TMCC1: variants seen among roughly 807,000 people sequenced by gnomAD.
The protein encoded by TMCC1 is transmembrane and coiled-coil domain family 1.
A neutral mutation model predicts 52.4 loss-of-function variants in TMCC1; 15 were observed. The ratio of observed to expected loss-of-function variants is 0.29; its 90% CI spans 0.19 to 0.44. TMCC1 has a LOEUF of 0.44. TMCC1 is among the 20% of genes least tolerant of loss of function. The pLI is 1.00. For synonymous variants in TMCC1, 279 were observed against 301.9 expected (o/e 0.92, Z 0.79); for missense variants, 503 against 806.0 (o/e 0.62, Z 4.55).
At chr3:129,712,588 CAGG>C (rs950949069) in intron 4 of TMCC1, among the ~76,000 whole-genome samples, 17 of 152,066 alleles carry the variant, frequency 1.1e-4, no homozygotes, top group African/African-American at 4.1e-4. Flanking sequence ...GCTGGAACTA[CAGG>C]CACATACTAC....
chr3:129,683,901 G>A (rs779271654), intron 4 of TMCC1, among the ~76,000 whole-genome samples: 3 of 152,064 alleles, frequency 2.0e-5, no homozygotes, highest in South Asian at 2.1e-4. Context: ...TAAAATCTTC[G>A]GCAAGGGATA....
At chr3:129,755,009 C>T (rs931016977) in intron 4 of TMCC1, among the ~76,000 whole-genome samples, 1 of 151,880 alleles carries the variant, frequency 6.6e-6, no homozygotes, top group African/African-American at 2.4e-5. Context: ...ACCCGGGAGG[C>T]GGAGGTTGCA....
chr3:129,808,231 C>T (rs1220287555), intron 4 of TMCC1, among the ~76,000 whole-genome samples: 2 of 151,896 alleles, frequency 1.3e-5, no homozygotes, highest in African/African-American at 4.8e-5. Context: ...GCCTGTAATC[C>T]CAGCACTTTG....
intron 4 of TMCC1, among the ~76,000 whole-genome samples, chr3:129,700,174 C>T (rs1451140699): frequency 6.6e-6 from 1 of 151,772 alleles, no homozygotes; most frequent in African/African-American, 2.4e-5. Flanking sequence ...TCAGGAGTTC[C>T]AGACTAGCTT....
At chr3:129,871,789 A>AG (rs1369060322) in intron 2 of TMCC1, among the ~76,000 whole-genome samples, 2 of 152,264 alleles carry the variant, frequency 1.3e-5, no homozygotes. Context: ...CAATGAAAAA[A>AG]GAATCAAAGT....
intron 2 of TMCC1, among the ~76,000 whole-genome samples, chr3:129,872,832 G>A (rs2060993608): frequency 6.6e-6 from 1 of 151,892 alleles, no homozygotes; most frequent in Non-Finnish European, 1.5e-5. Flanking sequence ...GTCACTATTA[G>A]ATTTCCTGGG....
At chr3:129,667,430 G>C (rs992462056) in intron 5 of TMCC1, among the ~76,000 whole-genome samples, 18 of 151,538 alleles carry the variant, frequency 1.2e-4, no homozygotes, top group African/African-American at 4.1e-4. Flanking sequence ...CCTTTTTTGG[G>C]GAAAAAAAGG....
chr3:129,734,385 T>C (rs2050775733), intron 4 of TMCC1, among the ~76,000 whole-genome samples: 1 of 152,182 alleles, frequency 6.6e-6, no homozygotes, highest in Admixed American at 6.5e-5. Context: ...AACAAAACTA[T>C]ATGTTTTTTT....
At chr3:129,764,626 T>C (rs1413019572) in intron 4 of TMCC1, among the ~76,000 whole-genome samples, 1 of 151,758 alleles carries the variant, frequency 6.6e-6, no homozygotes, top group African/African-American at 2.4e-5. Flanking sequence ...CATCAACACC[T>C]GGGCAAAGAA....
At position 129,865,152 on chromosome 3, in the gene TMCC1, C is replaced by G. The variant is rs377719950; in HGVS notation, c.-184+15157G>C. On this transcript the variant is annotated intron_variant, in intron 2 of 6. Coordinates refer to ENST00000393238, the MANE Select transcript of TMCC1 (RefSeq NM_001017395.5). The stretch of plus-strand genomic sequence containing the variant: ...AAGTCAGACTAGCCTCTTACACTCC[C>G]AAACAGTAAGATTTGCTCCAGAAAG... Among the ~76,000 whole-genome samples the G allele has an allele frequency of 4.6e-5, 7 of 152,186 alleles. No homozygotes were observed. The East Asian group carries it at 1.4e-3, about 29-fold the overall frequency.
In TMCC1 at chr3:129,811,816, C is replaced by T. The variant is rs538410715; in HGVS notation, c.576+15987G>A. Among the ~76,000 whole-genome samples, 9 of 150,412 alleles carry T rather than the reference C, an allele frequency of 6.0e-5. No individual in the cohort carries two copies. The South Asian group carries it at 6.3e-4, about 11-fold the overall frequency. On this transcript the variant is annotated intron_variant, in intron 4 of 6. Coordinates refer to ENST00000393238, the MANE Select transcript of TMCC1 (RefSeq NM_001017395.5). ...AAACTTAGCTGGGCGTGGTGGCATG[C>T]GCCTGTAATCCCAGCTACTCAGGAG...
chr3:129,791,088 ATTTTTTTTT>A (rs34048545), intron 4 of TMCC1, among the ~76,000 whole-genome samples: 13 of 82,968 alleles, frequency 1.6e-4, no homozygotes, highest in Non-Finnish European at 2.9e-4. Flanking sequence ...ACACTCCATA[ATTTTTTTTT>A]TTTTTTTTTT....
chr3:129,692,112 T>A (rs1227217593), intron 4 of TMCC1, among the ~76,000 whole-genome samples: 2 of 152,238 alleles, frequency 1.3e-5, no homozygotes, highest in Non-Finnish European at 2.9e-5. Flanking sequence ...ACTATAATAC[T>A]ATATACAGTT....
chr3:129,711,403 T>C (rs2048671804), intron 4 of TMCC1, among the ~76,000 whole-genome samples: 1 of 152,198 alleles, frequency 6.6e-6, no homozygotes, highest in Non-Finnish European at 1.5e-5. Context: ...TATTACAACT[T>C]ACTAATTAGT....
chr3:129,769,235 TTTTG>T (rs1215355826), intron 4 of TMCC1, among the ~76,000 whole-genome samples: 7 of 152,302 alleles, frequency 4.6e-5, no homozygotes, highest in African/African-American at 9.6e-5. Flanking sequence ...CATTATAGGA[TTTTG>T]TTTGTTTTGA....
intron 4 of TMCC1, among the ~76,000 whole-genome samples, chr3:129,757,592 G>T (rs190575931): frequency 4.6e-5 from 7 of 152,210 alleles, no homozygotes; most frequent in Non-Finnish European, 8.8e-5. Context: ...AGGCCAAGGT[G>T]GGGGGATCAT....
chr3:129,828,966 A>T lies in TMCC1; in HGVS notation c.-130-458T>A, dbSNP rs2058779597. ...CACAGGCTGAAACTCAGTATAATCA[A>T]AGAACAACAGTGAGAAATGGATATC... is the stretch of plus-strand genomic sequence containing the variant. On this transcript the variant is annotated intron_variant, in intron 3 of 6. Coordinates refer to ENST00000393238, the MANE Select transcript of TMCC1 (RefSeq NM_001017395.5). The surrounding 1 kb of genome is among the most constrained non-coding windows in gnomAD (Gnocchi z 4.1). 6.6e-6 allele frequency among the ~76,000 whole-genome samples: 1 copy of T among 152,220 alleles called. No homozygotes were observed. Among genetic ancestry groups the T allele is most frequent in the South Asian group, 2.1e-4 (1 of 4,832 alleles).
chr3:129,652,582 T>C (rs1296472132), intron 6 of TMCC1, among the ~76,000 whole-genome samples: 1 of 152,198 alleles, frequency 6.6e-6, no homozygotes, highest in Non-Finnish European at 1.5e-5. Flanking sequence ...TCTCACCCTA[T>C]AAACCATAAA....
intron 2 of TMCC1, among the ~76,000 whole-genome samples, chr3:129,835,421 T>C (rs1298195530): frequency 6.6e-6 from 1 of 152,100 alleles, no homozygotes; most frequent in African/African-American, 2.4e-5. Context: ...CAGCCCCACC[T>C]AGCAACCCAT....
Sources: allele counts gnomAD v4.1 joint callset (sites outside exome capture counted in the v4.1 genomes callset), GRCh38; gene constraint gnomAD v4.1.1; non-coding constraint Gnocchi (gnomAD v3.1); transcripts MANE v1.5; gene names NCBI Gene and HGNC (gene_info 2026-07-23, HGNC 2026-07-21).